Variants in TAFA2 observed in about 807,000 individuals in gnomAD.
The protein encoded by TAFA2 is TAFA chemokine like family member 2.
A neutral mutation model predicts 18.8 loss-of-function variants in TAFA2; 7 were observed. The ratio of observed to expected loss-of-function variants is 0.37; its 90% confidence interval spans 0.21 to 0.70. The LOEUF (loss-of-function observed/expected upper bound fraction) is 0.70, where lower values mean the gene tolerates loss of function less well. TAFA2 is among the 30% of genes least tolerant of loss of function. The probability of loss-of-function intolerance (pLI) is 0.53; values close to 1 mark genes in which losing one functional copy is unlikely to be tolerated. For missense variants in TAFA2, 122 were observed against 158.1 expected (o/e 0.77, Z 1.23); for synonymous variants, 60 against 54.2 (o/e 1.11, Z -0.47).
At chr12:61,898,184 G>A (rs936664478) in intron 1 of TAFA2, among the ~76,000 whole-genome samples, 2 of 152,166 alleles carry the variant, frequency 1.3e-5, no homozygotes, top group African/African-American at 2.4e-5. Flanking sequence ...GCAGGGTACA[G>A]CCCCACCCAA....
At chr12:61,806,808 T>G (rs1276575686) in intron 2 of TAFA2, among the ~76,000 whole-genome samples, 1 of 152,234 alleles carries the variant, frequency 6.6e-6, no homozygotes, top group Non-Finnish European at 1.5e-5. Context: ...ATTTTGCCCC[T>G]GCCCTAGAGA....
intron 1 of TAFA2, among the ~76,000 whole-genome samples, chr12:62,033,113 A>G (rs1410324777): frequency 6.6e-6 from 1 of 152,170 alleles, no homozygotes; most frequent in Non-Finnish European, 1.5e-5. Context: ...CACCCTGTCC[A>G]GGGAGCAGAA....
At chr12:62,032,555 C>T (rs894081105) in intron 1 of TAFA2, among the ~76,000 whole-genome samples, 4 of 151,968 alleles carry the variant, frequency 2.6e-5, no homozygotes, top group African/African-American at 7.2e-5. Context: ...GCTTCAAGAC[C>T]CCCGGCATGA....
At chr12:62,067,432 A>AGTTTCAATGT (rs1329688998) in intron 1 of TAFA2, among the ~76,000 whole-genome samples, 1 of 151,958 alleles carries the variant, frequency 6.6e-6, no homozygotes, top group East Asian at 1.9e-4. Flanking sequence ...TTCTTTTAGT[A>AGTTTCAATGT]GTTTCAATGT....
chr12:62,129,835 G>A (rs10877798), intron 1 of TAFA2, among the ~76,000 whole-genome samples: 7 of 151,874 alleles, frequency 4.6e-5, no homozygotes, highest in Admixed American at 1.3e-4. Flanking sequence ...CCAAATGTCC[G>A]CTATACGGCA....
intron 1 of TAFA2, among the ~76,000 whole-genome samples, chr12:62,101,656 T>G (rs960537068): frequency 1.3e-5 from 2 of 152,228 alleles, no homozygotes; most frequent in Non-Finnish European, 2.9e-5. Context: ...CAGTAAGTTC[T>G]ACTTCAGCAC....
rs1037696016 is a variant in TAFA2 at position 61,879,600 on chromosome 12, G to T, written c.-1-12174C>A. 39 of 774,486 alleles carry T rather than the reference G, an allele frequency of 5.0e-5. No homozygotes were observed. The South Asian group carries it at 5.1e-4, about 10-fold the overall frequency. 48.0% of individuals were successfully genotyped at this position (774,486 alleles called of 1,614,324 possible). On this transcript the variant is annotated intron_variant, in intron 1 of 4. Transcript: ENST00000416284. Reference sequence around the variant, plus strand: ...CCAGGTTCTGCACACCCAGGAGAAGGAGCAGATCAAGACATTCAAAACAAG... The same window carrying T: ...CCAGGTTCTGCACACCCAGGAGAAGTAGCAGATCAAGACATTCAAAACAAG...
chr12:61,939,862 C>T (rs1207351595), intron 1 of TAFA2, among the ~76,000 whole-genome samples: 2 of 152,160 alleles, frequency 1.3e-5, no homozygotes, highest in Non-Finnish European at 2.9e-5. Context: ...AATCTTGGAG[C>T]AGTTACTCAA....
chr12:62,228,454 A>G (rs1304347472), intron 1 of TAFA2, among the ~76,000 whole-genome samples: 1 of 152,196 alleles, frequency 6.6e-6, no homozygotes, highest in Non-Finnish European at 1.5e-5. Flanking sequence ...TCTTTGAGAA[A>G]TCTCCAAACT....
intron 1 of TAFA2, among the ~76,000 whole-genome samples, chr12:62,013,901 A>T (rs1000314795): frequency 6.6e-6 from 1 of 152,206 alleles, no homozygotes; most frequent in Non-Finnish European, 1.5e-5. Context: ...AACAGGTTCT[A>T]TCTTACAAAG....
intron 1 of TAFA2, among the ~76,000 whole-genome samples, chr12:62,122,872 C>A (rs753232494): frequency 3.3e-5 from 5 of 152,080 alleles, no homozygotes; most frequent in Non-Finnish European, 7.4e-5. Context: ...GACCTGCAGC[C>A]CCATCATAAA....
chr12:61,965,948 T>A (rs1879050890), intron 1 of TAFA2, among the ~76,000 whole-genome samples: 6 of 151,758 alleles, frequency 4.0e-5, no homozygotes, highest in Admixed American at 2.0e-4. Context: ...GAAAAAAAAA[T>A]TTGAACCCTG....
intron 1 of TAFA2, among the ~76,000 whole-genome samples, chr12:62,219,791 A>G (rs548498336): frequency 2.8e-4 from 43 of 152,308 alleles, no homozygotes; most frequent in Non-Finnish European, 5.1e-4. Context: ...TCCTCTTTCA[A>G]TAGGTTGTTA....
At chr12:62,188,040 A>T (rs1372986955) in intron 1 of TAFA2, among the ~76,000 whole-genome samples, 1 of 152,168 alleles carries the variant, frequency 6.6e-6, no homozygotes, top group Non-Finnish European at 1.5e-5. Flanking sequence ...ATTTTGTGTA[A>T]GCATGTGGCC....
At chr12:61,867,880 G>A (rs1056820225) in intron 1 of TAFA2, among the ~76,000 whole-genome samples, 5 of 152,038 alleles carry the variant, frequency 3.3e-5, no homozygotes, top group Non-Finnish European at 7.4e-5. Flanking sequence ...ACAGAATATG[G>A]TCACTTCAAA....
chr12:61,829,801 A>C (rs763568899), intron 2 of TAFA2, among the ~76,000 whole-genome samples: 9 of 151,734 alleles, frequency 5.9e-5, no homozygotes, highest in Non-Finnish European at 1.2e-4. Flanking sequence ...AGATTTAAAA[A>C]TCTTTATTTC....
At chr12:61,905,285 C>T (rs570225753) in intron 1 of TAFA2, among the ~76,000 whole-genome samples, 1 of 152,224 alleles carries the variant, frequency 6.6e-6, no homozygotes, top group South Asian at 2.1e-4. Context: ...ACCAGGCCCT[C>T]TAATTGTGCT....
chr12:62,249,326 A>G (rs544649949), intron 1 of TAFA2, among the ~76,000 whole-genome samples: 82 of 151,498 alleles, frequency 5.4e-4, no homozygotes, highest in Non-Finnish European at 8.1e-4. Context: ...TAATCAGAGC[A>G]TATATTGAGG....
At chr12:62,204,651 T>C (rs2062684549) in intron 1 of TAFA2, among the ~76,000 whole-genome samples, 1 of 152,134 alleles carries the variant, frequency 6.6e-6, no homozygotes. Flanking sequence ...CAATGTGAAG[T>C]TCTTGTGCTG....
Sources: gnomAD v4.1 joint callset for allele counts (sites outside exome capture counted in the v4.1 genomes callset) on GRCh38, gnomAD v4.1.1 for gene constraint, MANE v1.5 for transcripts, NCBI Gene and HGNC (gene_info 2026-07-23, HGNC 2026-07-21) for gene names.